Variants in ERICH1 observed in about 807,000 individuals in gnomAD.
The protein encoded by ERICH1 is glutamate rich 1, also known as glutamate-rich protein 1.
ERICH1 carries 56 observed loss-of-function variants against 39.6 expected under a neutral mutation model. The ratio of observed to expected loss-of-function variants is 1.41; its 90% CI spans 1.14 to 1.77. The LOEUF (loss-of-function observed/expected upper bound fraction) is 1.77. Among genes scored for constraint, ERICH1 ranks in the 40% most tolerant of loss-of-function variants. The probability of loss-of-function intolerance (pLI) is 0.00; values close to 1 mark genes in which losing one functional copy is unlikely to be tolerated. For synonymous variants in ERICH1, 313 were observed against 223.6 expected (o/e 1.40, Z -3.57); for missense variants, 826 against 575.4 (o/e 1.44, Z -4.45).
chr8:727,630 T>A (rs764774136), intron 1 of ERICH1, among the ~76,000 whole-genome samples: 8 of 152,160 alleles, frequency 5.3e-5, no homozygotes, highest in Non-Finnish European at 8.8e-5. Flanking sequence ...CATCCAAGCA[T>A]CCTGCGCTCC....
chr8:720,703 A>C lies in ERICH1; in HGVS notation c.23-4696T>G, dbSNP rs563062868. Among the ~76,000 whole-genome samples the C allele has an allele frequency of 1.4e-4, 21 of 152,316 alleles. 1 individual carries two copies. The highest frequency in any genetic ancestry group is 3.4e-3 in the Middle Eastern group (1 of 294). ...ACGGTCGTCAAAATAAACTAAAGCA[A>C]AAAGAAAACCTTTCAGCAGCCTAAG... On this transcript the variant is annotated intron_variant, in intron 1 of 5. Coordinates refer to ENST00000262109, the MANE Select transcript of ERICH1 (RefSeq NM_207332.3).
chr8:728,706 C>G (rs184129001), intron 1 of ERICH1, among the ~76,000 whole-genome samples: 2 of 152,210 alleles, frequency 1.3e-5, no homozygotes, highest in South Asian at 2.1e-4. Flanking sequence ...TGCACAGCAC[C>G]TCTCAGAGGC....
chr8:677,629 C>A (rs898770088), intron 3 of ERICH1, among the ~76,000 whole-genome samples: 1 of 152,202 alleles, frequency 6.6e-6, no homozygotes, highest in African/African-American at 2.4e-5. Context: ...CCTGAACACA[C>A]TGATGTTTAA....
At chr8:683,568 C>T (rs1042075269) in intron 3 of ERICH1, among the ~76,000 whole-genome samples, 7 of 152,208 alleles carry the variant, frequency 4.6e-5, no homozygotes, top group East Asian at 1.9e-4. Flanking sequence ...ACAAGGGAGG[C>T]ACAGCCTTGG....
At chr8:650,574 G>A (rs1799817100) in intron 3 of ERICH1, among the ~76,000 whole-genome samples, 1 of 152,210 alleles carries the variant, frequency 6.6e-6, no homozygotes. Context: ...ACACTGAAAG[G>A]GAAGCAGCCA....
intron 3 of ERICH1, among the ~76,000 whole-genome samples, chr8:620,297 G>C (rs1018537271): frequency 3.3e-5 from 5 of 152,176 alleles, no homozygotes; most frequent in Non-Finnish European, 7.3e-5. Flanking sequence ...GGGCAACAGA[G>C]TGAGACTCTG....
downstream of ERICH1, among the ~76,000 whole-genome samples, chr8:660,452 G>C (rs1418286786): frequency 6.6e-6 from 1 of 152,222 alleles, no homozygotes; most frequent in African/African-American, 2.4e-5. Flanking sequence ...AGGTGTGGCA[G>C]CGGCCACAGC....
chr8:654,429 G>A (rs62486238), intron 3 of ERICH1, among the ~76,000 whole-genome samples: 2,403 of 152,264 alleles, frequency 0.016, 26 homozygotes, highest in Middle Eastern at 0.031. Flanking sequence ...GAGGGGCTAC[G>A]GTGCTGGGGA....
intron 3 of ERICH1, chr8:656,866 C>CA (rs2131712261): frequency 1.0e-6 from 1 of 984,036 alleles, no homozygotes; most frequent in South Asian, 4.7e-5. Flanking sequence ...GCCTAGAAAA[C>CA]AAAGCAGAAA....
intron 3 of ERICH1, among the ~76,000 whole-genome samples, chr8:691,792 A>G (rs1808965423): frequency 6.6e-6 from 1 of 152,234 alleles, no homozygotes; most frequent in South Asian, 2.1e-4. Flanking sequence ...TTTATAATAT[A>G]GAGTTTCTTA....
intron 3 of ERICH1, among the ~76,000 whole-genome samples, chr8:643,410 C>T (rs775027354): frequency 1.3e-5 from 2 of 152,186 alleles, no homozygotes; most frequent in Non-Finnish European, 2.9e-5. Context: ...CCAGCCTCTC[C>T]ATGGCCCGGC....
intron 3 of ERICH1, among the ~76,000 whole-genome samples, chr8:637,222 C>G (rs752823393): frequency 6.6e-6 from 1 of 152,240 alleles, no homozygotes; most frequent in Non-Finnish European, 1.5e-5. Flanking sequence ...TTCTGTGAAA[C>G]ACCCGGTGGG....
chr8:722,896 A>T (rs1370694464), intron 1 of ERICH1, among the ~76,000 whole-genome samples: 1 of 152,270 alleles, frequency 6.6e-6, no homozygotes, highest in East Asian at 1.9e-4. Flanking sequence ...AATAAGAGAG[A>T]CCACAAATAT....
At chr8:622,281 C>T (rs149832574) in intron 3 of ERICH1, among the ~76,000 whole-genome samples, 20 of 152,096 alleles carry the variant, frequency 1.3e-4, no homozygotes, top group Non-Finnish European at 2.2e-4. Flanking sequence ...GTATCCACCC[C>T]CCATTTATAT....
At chr8:713,315 A>G (rs1815185473) in intron 2 of ERICH1, among the ~76,000 whole-genome samples, 1 of 152,264 alleles carries the variant, frequency 6.6e-6, no homozygotes, top group Non-Finnish European at 1.5e-5. Flanking sequence ...TCAGCCTATA[A>G]TAAGTATATT....
At chr8:655,202 T>A (rs1356019214) in intron 3 of ERICH1, among the ~76,000 whole-genome samples, 1 of 152,184 alleles carries the variant, frequency 6.6e-6, no homozygotes, top group Non-Finnish European at 1.5e-5. Flanking sequence ...CAGCTTCGCC[T>A]TTCTAACAGC....
At chr8:614,950 G>T (rs1027306399) in exon 4 of ERICH1, 1 of 337,784 alleles carries the variant, frequency 3.0e-6, no homozygotes, top group East Asian at 4.6e-5. Context: ...ATTAGGAGAG[G>T]GACAAACTGT....
At chr8:704,304 G>C (rs1175191495) in intron 2 of ERICH1, among the ~76,000 whole-genome samples, 1 of 152,204 alleles carries the variant, frequency 6.6e-6, no homozygotes, top group East Asian at 1.9e-4. Context: ...CCCGGGAGAG[G>C]TGAGACCGGG....
At chr8:712,705 G>C (rs903662824) in intron 2 of ERICH1, among the ~76,000 whole-genome samples, 1 of 152,154 alleles carries the variant, frequency 6.6e-6, no homozygotes, top group Non-Finnish European at 1.5e-5. Context: ...CCAAAGTGCT[G>C]GGTGTTTTTA....
Sources: allele counts gnomAD v4.1 joint callset (sites outside exome capture counted in the v4.1 genomes callset), GRCh38; gene constraint gnomAD v4.1.1; transcripts MANE v1.5; gene names NCBI Gene and HGNC (gene_info 2026-07-23, HGNC 2026-07-21).